CLASP1: variants seen among roughly 807,000 people sequenced by gnomAD.
CLASP1 encodes cytoplasmic linker associated protein 1.
Under a neutral mutation model 192.3 loss-of-function variants are expected in CLASP1, and 38 were observed. The observed-to-expected ratio is 0.20, with a 90% CI of 0.15 to 0.26. CLASP1 has a LOEUF of 0.26. Among genes scored for constraint, CLASP1 ranks in the 10% least tolerant of loss-of-function variants. CLASP1 has a pLI of 1.00. For synonymous variants in CLASP1, 691 were observed against 712.8 expected, an observed-to-expected ratio of 0.97 and a Z score of 0.49; for missense variants, 1,433 against 1,932.5, an observed-to-expected ratio of 0.74 and a Z score of 4.85.
intron 19 of CLASP1, among the ~76,000 whole-genome samples, chr2:121,433,152 T>A (rs2081732264): frequency 6.6e-6 from 1 of 151,922 alleles, no homozygotes; most frequent in Non-Finnish European, 1.5e-5. Context: ...AGAAACCCCA[T>A]TTCTACTAAA....
intron 7 of CLASP1, chr2:121,505,158 T>A (rs889119250): frequency 2.0e-5 from 3 of 152,212 alleles, no homozygotes; most frequent in African/African-American, 7.2e-5. Context: ...AGTCTGCAAG[T>A]TAGAGCCAAG....
chr2:121,483,856 GT>G (rs754247588), intron 8 of CLASP1, among the ~76,000 whole-genome samples: 15 of 152,234 alleles, frequency 9.9e-5, no homozygotes, highest in Admixed American at 2.6e-4. Flanking sequence ...AAAATAACTT[GT>G]TTCAAAATTT....
At chr2:121,542,722 G>A (rs1024337951) in intron 2 of CLASP1, among the ~76,000 whole-genome samples, 5 of 152,156 alleles carry the variant, frequency 3.3e-5, no homozygotes, top group South Asian at 2.1e-4. Context: ...GTTAAAATAC[G>A]TTAATTAATA....
chr2:121,606,141 A>C, exon 2 of CLASP1: 1 of 523,844 alleles, frequency 1.9e-6, no homozygotes, highest in Non-Finnish European at 3.4e-6. Context: ...GTGATGTTCT[A>C]CTACTGGGTC....
chr2:121,343,932 G>A lies in CLASP1; in HGVS notation c.4531-2985C>T, dbSNP rs370547282. On this transcript the variant is annotated intron_variant, in intron 39 of 39. Transcript: ENST00000263710. ...CTAAAAATACAAAAACTAGCTGGGC[G>A]TGGTGGCAGGCGCCTATAATCCCAG... Among the ~76,000 whole-genome samples, 13 of 152,194 alleles carry A rather than the reference G, an allele frequency of 8.5e-5. No homozygotes were observed. In the South Asian group the frequency reaches 2.1e-3, roughly 24 times the overall value.
rs200383506 is a variant in CLASP1, at chr2:121,638,670, A to ATTT, written c.-286+10699_-286+10701dup. ...TAAAAAAAGAATGGTGTTCTTTTTTATTTTTTTTTTTTTTGAGACAGAGTT... is the reference window on the plus strand; with the variant it reads ...TAAAAAAAGAATGGTGTTCTTTTTTATTTTTTTTTTTTTTTTTGAGACAGAGTT... On this transcript the variant is annotated intron_variant, in intron 1 of 39. Transcript: ENST00000263710. Among the ~76,000 whole-genome samples the ATTT allele has an allele frequency of 1.2e-4, 15 of 129,610 alleles. 1 individual carries two copies. The highest frequency in any genetic ancestry group is 7.0e-4 in the South Asian group (3 of 4,260). The allele number at this position is 129,610 out of a possible 152,430, so 85.0% of individuals were successfully genotyped here. A position where few individuals can be genotyped will look rare whatever the true frequency, so the allele number is the denominator to read the frequency against.
At chr2:121,418,184 T>C (rs944177385) in intron 23 of CLASP1, among the ~76,000 whole-genome samples, 2 of 152,262 alleles carry the variant, frequency 1.3e-5, no homozygotes, top group African/African-American at 2.4e-5. Flanking sequence ...CTAAACATTA[T>C]CGCTATTGTA....
At chr2:121,588,058 C>T (rs1278619106) in intron 2 of CLASP1, among the ~76,000 whole-genome samples, 1 of 150,318 alleles carries the variant, frequency 6.7e-6, no homozygotes, top group African/African-American at 2.5e-5. Flanking sequence ...CCTGTAGTCC[C>T]AGCTACTCAG....
chr2:121,434,623 CA>C (rs1035771814), intron 19 of CLASP1, among the ~76,000 whole-genome samples: 2 of 152,176 alleles, frequency 1.3e-5, no homozygotes, highest in African/African-American at 4.8e-5. Context: ...TTATTCTTAA[CA>C]GTTAATTTGT....
At chr2:121,467,080 T>G (rs575998677) in intron 9 of CLASP1, among the ~76,000 whole-genome samples, 1 of 152,354 alleles carries the variant, frequency 6.6e-6, no homozygotes, top group South Asian at 2.1e-4. Flanking sequence ...TATTTGGTTT[T>G]CTGTTCCTGC....
intron 2 of CLASP1, among the ~76,000 whole-genome samples, chr2:121,555,632 G>A (rs916907539): frequency 6.6e-6 from 1 of 152,136 alleles, no homozygotes; most frequent in African/African-American, 2.4e-5. Context: ...TGTCCTACTT[G>A]TATCCTTGCT....
intron 30 of CLASP1, among the ~76,000 whole-genome samples, chr2:121,391,694 G>A (rs1326578170): frequency 6.6e-6 from 1 of 152,164 alleles, no homozygotes; most frequent in Non-Finnish European, 1.5e-5. Flanking sequence ...ACTGAGGTCA[G>A]GAGTTTGAGA....
intron 2 of CLASP1, among the ~76,000 whole-genome samples, chr2:121,535,813 C>T (rs1476037802): frequency 6.6e-6 from 1 of 151,850 alleles, no homozygotes; most frequent in Non-Finnish European, 1.5e-5. Flanking sequence ...CGCGTGCCAA[C>T]ACACCACCCA....
At chr2:121,540,398 G>C (rs1016076794) in intron 2 of CLASP1, among the ~76,000 whole-genome samples, 1 of 152,160 alleles carries the variant, frequency 6.6e-6, no homozygotes, top group Non-Finnish European at 1.5e-5. Flanking sequence ...AGCTACTTGG[G>C]AGGCTGAGGC....
intron 38 of CLASP1, among the ~76,000 whole-genome samples, chr2:121,347,746 G>A (rs941271607): frequency 6.6e-6 from 1 of 152,084 alleles, no homozygotes; most frequent in Non-Finnish European, 1.5e-5. Context: ...AACAGCCTGG[G>A]ACTCTTCAGT....
intron 2 of CLASP1, among the ~76,000 whole-genome samples, chr2:121,564,278 T>C (rs1179933203): frequency 6.6e-6 from 1 of 152,232 alleles, no homozygotes; most frequent in African/African-American, 2.4e-5. Context: ...CTTCTATAAA[T>C]GTTCCATGTA....
intron 1 of CLASP1, among the ~76,000 whole-genome samples, chr2:121,607,860 T>C (rs576650769): frequency 1.8e-4 from 28 of 152,286 alleles, no homozygotes; most frequent in African/African-American, 6.0e-4. Flanking sequence ...CGTAAAAACA[T>C]TGAGATTCTT....
At chr2:121,437,407 C>T (rs549653107) in intron 19 of CLASP1, among the ~76,000 whole-genome samples, 71 of 152,272 alleles carry the variant, frequency 4.7e-4, no homozygotes, top group East Asian at 1.2e-3. Flanking sequence ...GACAATGAAA[C>T]GATCACTTTT....
intron 1 of CLASP1, among the ~76,000 whole-genome samples, chr2:121,612,761 C>A (rs542954004): frequency 1.3e-5 from 2 of 152,310 alleles, no homozygotes; most frequent in African/African-American, 4.8e-5. Context: ...ATATTTAAGA[C>A]ACAATGGGAG....
Sources: gnomAD v4.1 joint callset for allele counts (sites outside exome capture counted in the v4.1 genomes callset) on GRCh38, gnomAD v4.1.1 for gene constraint, MANE v1.5 for transcripts, NCBI Gene and HGNC (gene_info 2026-07-23, HGNC 2026-07-21) for gene names.